The following ERC1 variants were observed in gnomAD, a reference collection of about 807,000 sequenced individuals.
ERC1 encodes RAB6 interacting protein 2.
Under a neutral mutation model 132.0 loss-of-function variants are expected in ERC1, and 56 were observed. That is an observed-to-expected ratio of 0.42 (90% CI 0.34 to 0.53). The LOEUF is 0.53. Among genes scored for constraint, ERC1 ranks in the 20% least tolerant of loss-of-function variants. The probability of loss-of-function intolerance (pLI) is 0.03; values close to 1 mark genes in which losing one functional copy is unlikely to be tolerated. For missense variants in ERC1, 1,202 were observed against 1,349.9 expected (o/e 0.89, Z 1.72); for synonymous variants, 478 against 476.1 (o/e 1.00, Z -0.05).
chr12:1,259,847 C>T (rs1377031906), intron 13 of ERC1, among the ~76,000 whole-genome samples: 1 of 152,120 alleles, frequency 6.6e-6, no homozygotes, highest in East Asian at 1.9e-4. Context: ...TTCCCAGATT[C>T]CTTTCTACAC....
At chr12:1,261,979 C>G (rs1300262809) in intron 13 of ERC1, among the ~76,000 whole-genome samples, 2 of 152,130 alleles carry the variant, frequency 1.3e-5, no homozygotes, top group African/African-American at 4.8e-5. Context: ...TGACAGATTT[C>G]AAGTTCTAGA....
intron 18 of ERC1, among the ~76,000 whole-genome samples, chr12:1,468,275 A>G (rs1215820445): frequency 1.3e-5 from 2 of 152,078 alleles, no homozygotes; most frequent in Non-Finnish European, 2.9e-5. Flanking sequence ...CTGCAGGGGG[A>G]AGGCTTCACG....
chr12:1,434,608 C>T (rs1304717074), intron 17 of ERC1, among the ~76,000 whole-genome samples: 1 of 152,230 alleles, frequency 6.6e-6, no homozygotes, highest in African/African-American at 2.4e-5. Flanking sequence ...CCCTTTGCCA[C>T]TACCCTTCAG....
At chr12:1,475,102 C>T (rs947090803) in intron 18 of ERC1, among the ~76,000 whole-genome samples, 8 of 152,212 alleles carry the variant, frequency 5.3e-5, no homozygotes, top group African/African-American at 1.4e-4. Context: ...AGGCCACCTT[C>T]GTATCCTATA....
At chr12:1,006,445 G>A (rs186935060) in intron 1 of ERC1, among the ~76,000 whole-genome samples, 10 of 152,012 alleles carry the variant, frequency 6.6e-5, no homozygotes, top group Admixed American at 1.3e-4. Context: ...TCACCTAGGC[G>A]CAATTTCAGC....
chr12:1,236,983 T>G, intron 13 of ERC1, 79 bp downstream of exon 13: 1 of 1,526,172 alleles, frequency 6.6e-7, no homozygotes, highest in Admixed American at 1.8e-5. Context: ...CTCTTCATCT[T>G]TATCCTCCTC....
chr12:1,469,237 A>G (rs961336973), intron 18 of ERC1, among the ~76,000 whole-genome samples: 1 of 152,188 alleles, frequency 6.6e-6, no homozygotes, highest in Non-Finnish European at 1.5e-5. Context: ...CCAGCTCTTG[A>G]GCACTGTCTG....
chr12:1,298,765 A>G lies in ERC1; in HGVS notation c.2780+8753A>G, dbSNP rs141908614. Among the ~76,000 whole-genome samples the G allele has an allele frequency of 2.6e-5, 4 of 151,726 alleles. No individual in the cohort carries two copies. In the East Asian group the frequency reaches 7.7e-4, roughly 29 times the overall value. ...ACACCAAGTAAAGGACAGAGATACT[A>G]GATTAGAAAAAAAAAAGCAAGGCTC... On this transcript the variant is annotated intron_variant, in intron 15 of 18. Transcript: ENST00000360905.
At chr12:1,168,282 G>A (rs1468376873) in intron 8 of ERC1, among the ~76,000 whole-genome samples, 1 of 151,872 alleles carries the variant, frequency 6.6e-6, no homozygotes, top group Non-Finnish European at 1.5e-5. Context: ...CACCATGCCT[G>A]GCTGACTGTT....
At chr12:1,475,356 G>A (rs989019778) in intron 18 of ERC1, among the ~76,000 whole-genome samples, 3 of 152,110 alleles carry the variant, frequency 2.0e-5, no homozygotes, top group African/African-American at 7.2e-5. Flanking sequence ...CTTTTGTTAC[G>A]AGGCAATATT....
intron 15 of ERC1, among the ~76,000 whole-genome samples, chr12:1,350,041 G>A (rs993178976): frequency 6.6e-6 from 1 of 152,200 alleles, no homozygotes; most frequent in Non-Finnish European, 1.5e-5. Context: ...GGCACCAAAA[G>A]GGGCTCCTCC....
At chr12:1,174,545 T>C (rs1953472915) in intron 8 of ERC1, among the ~76,000 whole-genome samples, 1 of 152,232 alleles carries the variant, frequency 6.6e-6, no homozygotes, top group Admixed American at 6.5e-5. Flanking sequence ...AATGGATTCC[T>C]TTAATAGTTT....
chr12:1,242,162 G>A (rs1466161423), intron 13 of ERC1, among the ~76,000 whole-genome samples: 1 of 151,840 alleles, frequency 6.6e-6, no homozygotes, highest in Non-Finnish European at 1.5e-5. Flanking sequence ...TTTGCCCTTT[G>A]TTTACAAAGT....
At chr12:1,170,218 G>T (rs1952902770) in intron 8 of ERC1, among the ~76,000 whole-genome samples, 1 of 152,130 alleles carries the variant, frequency 6.6e-6, no homozygotes. Flanking sequence ...TCAAGAATAT[G>T]AATTGTAATG....
intron 14 of ERC1, among the ~76,000 whole-genome samples, chr12:1,281,200 CA>C (rs1467664802): frequency 6.6e-6 from 1 of 152,084 alleles, no homozygotes; most frequent in Admixed American, 6.5e-5. Context: ...GAATAAAATG[CA>C]ATAAATATTT....
chr12:1,023,880 C>T (rs1163866605), intron 1 of ERC1, among the ~76,000 whole-genome samples: 1 of 152,176 alleles, frequency 6.6e-6, no homozygotes, highest in African/African-American at 2.4e-5. Context: ...ACTAAGGTTT[C>T]TCTGGAGAAG....
rs373826922 is a variant in ERC1, at chr12:1,038,572, A to G, written c.669+10000A>G. Among the ~76,000 whole-genome samples the G allele has an allele frequency of 3.3e-5, 5 of 152,078 alleles. No homozygotes were observed. The East Asian group carries it at 9.7e-4, about 30-fold the overall frequency. ...GACAGGGTTTCACCATCTTGGCCAG[A>G]CTGGTCTTGAATTCCTGACCTGGTG... On this transcript the variant is annotated intron_variant, in intron 2 of 18. Coordinates refer to ENST00000360905, the MANE Select transcript of ERC1 (RefSeq NM_178040.4).
At chr12:993,778 T>C (rs1960178060) in intron 1 of ERC1, among the ~76,000 whole-genome samples, 1 of 152,302 alleles carries the variant, frequency 6.6e-6, no homozygotes, top group East Asian at 1.9e-4. Context: ...GGCACATGCC[T>C]GTAATCCCAG....
At chr12:1,092,562 A>G (rs1344746533) in intron 3 of ERC1, among the ~76,000 whole-genome samples, 1 of 152,252 alleles carries the variant, frequency 6.6e-6, no homozygotes, top group Non-Finnish European at 1.5e-5. Flanking sequence ...GCATTGAAAC[A>G]AAATTACCCG....
Sources: allele counts gnomAD v4.1 joint callset (sites outside exome capture counted in the v4.1 genomes callset), GRCh38; gene constraint gnomAD v4.1.1; transcripts MANE v1.5; gene names NCBI Gene and HGNC (gene_info 2026-07-23, HGNC 2026-07-21).